MRTO4: variants seen among roughly 807,000 people sequenced by gnomAD.
MRTO4 encodes the protein MRT4 homolog, ribosome maturation factor, also known as mRNA turnover protein 4 homolog.
MRTO4 carries 7 observed loss-of-function variants against 28.6 expected under a neutral mutation model. The ratio of observed to expected loss-of-function variants is 0.24; its 90% CI spans 0.14 to 0.46. The LOEUF (loss-of-function observed/expected upper bound fraction) is 0.46, where lower values mean the gene tolerates loss of function less well. Among genes scored for constraint, MRTO4 ranks in the 20% least tolerant of loss-of-function variants. MRTO4 has a pLI of 0.99. For synonymous variants in MRTO4, 113 were observed against 108.2 expected, an observed-to-expected ratio of 1.04 and a Z score of -0.27; for missense variants, 302 against 298.3, an observed-to-expected ratio of 1.01 and a Z score of -0.09.
chr1:19,257,654 G>T, intron 5 of MRTO4, 133 bp downstream of exon 5: 2 of 1,352,114 alleles, frequency 1.5e-6, no homozygotes. Context: ...TGAGCTAGTG[G>T]CCTGGGACCA....
At chr1:19,256,545 G>A (rs1280666639) in intron 3 of MRTO4, among the ~76,000 whole-genome samples, 2 of 152,174 alleles carry the variant, frequency 1.3e-5, no homozygotes, top group Non-Finnish European at 1.5e-5. Flanking sequence ...GAGCTCCTAG[G>A]GGCAGGACTT....
At chr1:19,258,650 C>T (rs1447859138) in intron 7 of MRTO4, 31 bp from the exon 8 acceptor site, 20 of 1,613,942 alleles carry the variant, frequency 1.2e-5, no homozygotes, top group South Asian at 2.2e-5. Flanking sequence ...CTTCATTCCT[C>T]CTGATTCTTT....
chr1:19,257,514 G>A lies in MRTO4; in HGVS notation c.334G>A (p.Val112Met). 6.8e-6 allele frequency: 11 copies of A among 1,614,212 alleles called. No individual in the cohort carries two copies. The highest frequency in any genetic ancestry group is 9.3e-6 in the Non-Finnish European group (11 of 1,180,024). ...GTTCACCAACCGCACAAAGGAGGAG[G>A]TGAATGAGTAAGTACTGCTGAGGAA... ...LLFTNRTKEE[V>M]NEWFTKYTEM... is the part of the protein sequence containing the mutation. Residue 112 changes from valine to methionine, a missense_variant, in exon 5 of 8, where the codon GTG becomes ATG. By Grantham distance (21) the Val-to-Met change is conservative. Coordinates refer to ENST00000330263, the MANE Select transcript of MRTO4 (RefSeq NM_016183.4).
At chr1:19,254,889 G>A (rs2151972633) in intron 2 of MRTO4, 49 bp downstream of exon 2, 1 of 1,523,420 alleles carries the variant, frequency 6.6e-7, no homozygotes, top group East Asian at 2.3e-5. Context: ...GTTTATAAAG[G>A]TAGGTATAGG....
Position 19,257,518 on chromosome 1 carries a change from A to G in MRTO4, c.338A>G (p.Asn113Ser), listed in dbSNP as rs2093673301. 6.2e-7 allele frequency: 1 copy of G among 1,614,192 alleles called. No individual in the cohort carries two copies. The highest frequency in any genetic ancestry group is 2.2e-5 in the East Asian group (1 of 44,884). Residue 113 changes from asparagine (N) to serine (S), a missense_variant, in exon 5 of 8, where the codon AAT (asparagine) becomes AGT (serine). Transcript: ENST00000330263. ...LFTNRTKEEV[N>S]EWFTKYTEMD... Reference sequence around the variant, plus strand: ...ACCAACCGCACAAAGGAGGAGGTGAATGAGTAAGTACTGCTGAGGAACGGA... The same window carrying G: ...ACCAACCGCACAAAGGAGGAGGTGAGTGAGTAAGTACTGCTGAGGAACGGA...
At chr1:19,255,498 A>T (rs867531913) in intron 2 of MRTO4, among the ~76,000 whole-genome samples, 1 of 151,696 alleles carries the variant, frequency 6.6e-6, no homozygotes, top group African/African-American at 2.4e-5. Flanking sequence ...CCTGGGCTGC[A>T]GGCTGGGTGA....
rs1204798616 is a variant in MRTO4 at position 19,258,934 on chromosome 1, A to G, written c.*104A>G. 5.9e-5 allele frequency: 80 copies of G among 1,353,102 alleles called. No homozygotes were observed. The highest frequency in any genetic ancestry group is 7.5e-5 in the Non-Finnish European group (76 of 1,011,690). The allele number at this position is 1,353,102 out of a possible 1,614,324, so 83.8% of individuals were successfully genotyped here. ...AGAGCAGCTTTTTATTTGTCTGTAG[A>G]CAGGGAACATGATGGGCACTGACCT... On this transcript the variant is annotated 3_prime_UTR_variant, in exon 8 of 8. Transcript: ENST00000330263.
intron 3 of MRTO4, 111 bp from the exon 4 acceptor site, chr1:19,256,952 TG>T: frequency 1.0e-6 from 1 of 1,004,942 alleles, no homozygotes; most frequent in Non-Finnish European, 1.5e-6. Flanking sequence ...TGGGTGCCAC[TG>T]GCTCAGCCTG....
rs1338567372 is a variant in MRTO4, at chr1:19,254,227, C to G, written c.29-555C>G. 3.9e-5 allele frequency among the ~76,000 whole-genome samples: 6 copies of G among 152,240 alleles called. No individual in the cohort carries two copies. The South Asian group carries it at 1.2e-3, about 32-fold the overall frequency. ...TCTCTGCAAAAAATACAAAACTCAC[C>G]TGGGCATGGTGGTGCATTTCTGTGG... is the stretch of plus-strand genomic sequence containing the variant. On this transcript the variant is annotated intron_variant, in intron 1 of 7. Coordinates refer to ENST00000330263, the MANE Select transcript of MRTO4 (RefSeq NM_016183.4).
intron 6 of MRTO4, 144 bp downstream of exon 6, chr1:19,258,128 CAG>C: frequency 8.8e-7 from 1 of 1,134,714 alleles, no homozygotes; most frequent in African/African-American, 1.6e-5. Flanking sequence ...GCATGCCTCA[CAG>C]TGGGGGTGAA....
At position 19,258,472 on chromosome 1, in the gene MRTO4, TG is replaced by T. The variant is rs1393279247; in HGVS notation, c.494-4del. ...GAGGTAACTGAGAGCCACCCTCTTC[TG>T]CAGGTGTGGTGACTCTGCTGTCTGA... On this transcript the variant is annotated splice_region_variant and splice_polypyrimidine_tract_variant and intron_variant, in intron 6 of 7. Coordinates refer to ENST00000330263, the MANE Select transcript of MRTO4 (RefSeq NM_016183.4). 1 of 1,613,662 alleles carries T rather than the reference TG, an allele frequency of 6.2e-7. No homozygotes were observed. Among genetic ancestry groups the T allele is most frequent in the East Asian group, 2.2e-5 (1 of 44,884 alleles).
chr1:19,258,403 C>T, intron 6 of MRTO4, 74 bp from the exon 7 acceptor site: 1 of 1,577,498 alleles, frequency 6.3e-7, no homozygotes, highest in Admixed American at 1.7e-5. Context: ...TGGATTCCTC[C>T]CAACATGACC....
chr1:19,254,680 C>G (rs2093668843), intron 1 of MRTO4, 102 bp from the exon 2 acceptor site: 2 of 960,470 alleles, frequency 2.1e-6, no homozygotes, highest in Admixed American at 1.8e-5. Flanking sequence ...TTCAGAATGG[C>G]TGCATCCAGC....
At chr1:19,256,595 G>A (rs1569598884) in intron 3 of MRTO4, among the ~76,000 whole-genome samples, 6 of 152,142 alleles carry the variant, frequency 3.9e-5, no homozygotes, top group Admixed American at 3.3e-4. Flanking sequence ...GGGCCTTTCC[G>A]GAGAAGTGGC....
chr1:19,251,835 G>A lies in MRTO4; in HGVS notation c.-1G>A. 2.5e-6 allele frequency: 4 copies of A among 1,584,214 alleles called. No individual in the cohort carries two copies. Among genetic ancestry groups the A allele is most frequent in the Non-Finnish European group, 2.6e-6 (3 of 1,166,098 alleles). On this transcript the variant is annotated 5_prime_UTR_variant, in exon 1 of 8. Transcript: ENST00000330263. ...CTTCCGCCGCACGTGGATTCAGCGC[G>A]ATGCCCAAATCCAAGCGCGACAAGA... is the stretch of plus-strand genomic sequence containing the variant.
intron 1 of MRTO4, 145 bp from the exon 2 acceptor site, chr1:19,254,637 G>T: frequency 1.4e-6 from 1 of 726,680 alleles, no homozygotes. Flanking sequence ...TTGTGTGCCA[G>T]AAATGATGGC....
At chr1:19,256,538 C>A (rs1049994931) in intron 3 of MRTO4, among the ~76,000 whole-genome samples, 3 of 152,172 alleles carry the variant, frequency 2.0e-5, no homozygotes, top group African/African-American at 7.2e-5. Flanking sequence ...TTGCACTGAG[C>A]TCCTAGGGGC....
At chr1:19,256,189 C>G (rs2093671262) in intron 3 of MRTO4, 138 bp downstream of exon 3, 2 of 706,614 alleles carry the variant, frequency 2.8e-6, no homozygotes, top group Non-Finnish European at 4.9e-6. Flanking sequence ...AAAGTGCTAC[C>G]TGCCACTGAA....
At chr1:19,257,287 T>C in intron 4 of MRTO4, 142 bp downstream of exon 4, 1 of 1,190,966 alleles carries the variant, frequency 8.4e-7, no homozygotes, top group East Asian at 2.3e-5. Flanking sequence ...GGGTTCTCCC[T>C]TCACCTCCGG....
Sources: gnomAD v4.1 joint callset for allele counts (sites outside exome capture counted in the v4.1 genomes callset) on GRCh38, gnomAD v4.1.1 for gene constraint, MANE v1.5 for transcripts, NCBI Gene and HGNC (gene_info 2026-07-23, HGNC 2026-07-21) for gene names.